Variants in CREB3L3 observed in about 807,000 individuals in gnomAD.
The protein encoded by CREB3L3 is cAMP responsive element binding protein 3 like 3, also known as cyclic AMP-responsive element-binding protein 3-like protein 3.
In CREB3L3, 40 loss-of-function variants were observed where a neutral mutation model predicts 44.6. The ratio of observed to expected loss-of-function variants is 0.90; its 90% confidence interval spans 0.70 to 1.17. CREB3L3 has a LOEUF of 1.17. Ranked by LOEUF, CREB3L3 falls within the 50% of genes most tolerant of loss-of-function variation. CREB3L3 has a pLI of 0.00. For synonymous variants in CREB3L3, 273 were observed against 256.3 expected (o/e 1.06, Z -0.62); for missense variants, 578 against 595.8 (o/e 0.97, Z 0.31).
At position 4,171,916 on chromosome 19, in the gene CREB3L3, C is replaced by T. The variant is rs2145146624; in HGVS notation, c.1333C>T (p.Pro445Ser). Residue 445 changes from proline (P) to serine (S), a missense_variant, in exon 10 of 10, where the codon CCG (proline) becomes TCG (serine). By Grantham distance (74) the Pro-to-Ser change is moderately conservative. Transcript: ENST00000078445. The surrounding 1 kb of genome is among the most constrained non-coding windows in gnomAD (Gnocchi z 4.9). Reference sequence around the variant, plus strand: ...CCTGCTGGACTGGGTGGCGCCTGGGCCGAGCACTGGCTCAGGACGTGCAGG... The same window carrying T: ...CCTGCTGGACTGGGTGGCGCCTGGGTCGAGCACTGGCTCAGGACGTGCAGG... ...VALLDWVAPGPSTGSGRAGLE... is the reference protein window; with the variant it reads ...VALLDWVAPGSSTGSGRAGLE... 6.2e-7 allele frequency: 1 copy of T among 1,611,750 alleles called. No individual in the cohort carries two copies. The highest frequency in any genetic ancestry group is 8.5e-7 in the Non-Finnish European group (1 of 1,179,464).
chr19:4,156,950 A>G (rs1178140768), intron 2 of CREB3L3, 45 bp from the exon 3 acceptor site: 1 of 1,602,512 alleles, frequency 6.2e-7, no homozygotes, highest in South Asian at 1.1e-5. Flanking sequence ...ATCTAAAAAG[A>G]GTGAGCACTT....
intron 1 of CREB3L3, among the ~76,000 whole-genome samples, chr19:4,154,640 C>T (rs534434141): frequency 8.5e-5 from 13 of 152,218 alleles, no homozygotes; most frequent in Admixed American, 5.2e-4. Flanking sequence ...TCCCAAAGTG[C>T]TGAGATTACA....
At chr19:4,155,782 T>C (rs1599329390) in intron 2 of CREB3L3, among the ~76,000 whole-genome samples, 1 of 136,982 alleles carries the variant, frequency 7.3e-6, no homozygotes, top group African/African-American at 2.8e-5. Flanking sequence ...AGTTTCACTC[T>C]TGTCACCCAG....
chr19:4,157,283 AC>A lies in CREB3L3; in HGVS notation c.447del (p.Ile150Ter), dbSNP rs1344251374. The A allele has an allele frequency of 6.2e-7, 1 of 1,614,148 alleles. No homozygotes were observed. Among genetic ancestry groups the A allele is most frequent in the South Asian group, 1.1e-5 (1 of 91,072 alleles). On this transcript the variant is annotated frameshift_variant, in exon 3 of 10. Transcript: ENST00000078445. LOFTEE classifies it high-confidence loss of function. ...PVIQVPEASV[T>X]IDLEMWSPGG... is the part of the protein sequence containing the mutation. ...GATCCAAGTACCTGAAGCCTCTGTGACCATAGACCTGGGTGAGTCCTGCTGT... is the reference window on the plus strand; with the variant it reads ...GATCCAAGTACCTGAAGCCTCTGTGACATAGACCTGGGTGAGTCCTGCTGT...
intron 4 of CREB3L3, among the ~76,000 whole-genome samples, chr19:4,162,788 G>A (rs2041676530): frequency 6.6e-6 from 1 of 152,030 alleles, no homozygotes; most frequent in African/African-American, 2.4e-5. Context: ...AGACCAGCCT[G>A]GGCAACAGAG....
chr19:4,160,303 A>G (rs939933704), intron 4 of CREB3L3, among the ~76,000 whole-genome samples: 1 of 151,882 alleles, frequency 6.6e-6, no homozygotes, highest in Non-Finnish European at 1.5e-5. Context: ...CAACAATAAC[A>G]ACAACAAAAA....
rs762230767 is a variant in CREB3L3 at position 4,157,123 on chromosome 19, C to G, written c.285C>G (p.Ser95=). Residue 95 remains serine (S), a synonymous_variant, in exon 3 of 10, where the codon TCC becomes TCG. Transcript: ENST00000078445. ...SDSGISEDLP[S]DPQDTPPRSG... ...GTGGCATCTCCGAAGACCTCCCCTCCGACCCCCAGGACACCCCTCCACGCA... is the reference window on the plus strand; with the variant it reads ...GTGGCATCTCCGAAGACCTCCCCTCGGACCCCCAGGACACCCCTCCACGCA... 1.8e-5 allele frequency: 29 copies of G among 1,613,870 alleles called. No individual in the cohort carries two copies. In the South Asian group the frequency reaches 2.6e-4, roughly 15 times the overall value.
At position 4,171,448 on chromosome 19, in the gene CREB3L3, C is replaced by G. The variant is rs143545033; in HGVS notation, c.1041C>G (p.Thr347=). The change falls in exon 9 of 10, where the codon ACC becomes ACG. Residue 347 remains threonine (T), a synonymous_variant. Transcript: ENST00000078445. This position sits in a 1 kb window ranked among gnomAD's most constrained non-coding sequence, Gnocchi z 4.9. Reference sequence around the variant, plus strand: ...TCAGCCCTTTTGGCCCCAACAAAACCGAGAGCCCTGGGGACTTTGCGCCTG... The same window carrying G: ...TCAGCCCTTTTGGCCCCAACAAAACGGAGAGCCCTGGGGACTTTGCGCCTG... ...PSISPFGPNK[T]ESPGDFAPVR... The G allele has an allele frequency of 6.2e-7, 1 of 1,614,092 alleles. No homozygotes were observed. The highest frequency in any genetic ancestry group is 1.1e-5 in the South Asian group (1 of 91,068).
At chr19:4,157,345 C>A (rs770046440) in intron 3 of CREB3L3, 50 bp downstream of exon 3, 24 of 1,595,416 alleles carry the variant, frequency 1.5e-5, no homozygotes, top group Non-Finnish European at 1.9e-5. Context: ...TTCCAGGGCC[C>A]TTCCTGTAAG....
intron 4 of CREB3L3, among the ~76,000 whole-genome samples, chr19:4,163,045 C>T (rs1196822530): frequency 3.3e-5 from 5 of 152,042 alleles, no homozygotes; most frequent in African/African-American, 7.2e-5. Flanking sequence ...CGGTGGCTCA[C>T]GCCTGTGATC....
Position 4,171,211 on chromosome 19 carries a change from A to C in CREB3L3, c.975+36A>C. The stretch of plus-strand genomic sequence containing the variant: ...GTGCCCCCAGGCAAGCCGGGGACCT[A>C]GGCTTCTGTAGAGGGGCCCATAGGG... On this transcript the variant is annotated intron_variant, in intron 8 of 9. Coordinates refer to ENST00000078445, the MANE Select transcript of CREB3L3 (RefSeq NM_032607.3). This position sits in a 1 kb window ranked among gnomAD's most constrained non-coding sequence, Gnocchi z 4.9. The C allele has an allele frequency of 6.3e-7, 1 of 1,582,422 alleles. No homozygotes were observed. Among genetic ancestry groups the C allele is most frequent in the Non-Finnish European group, 8.7e-7 (1 of 1,151,322 alleles).
intron 4 of CREB3L3, among the ~76,000 whole-genome samples, chr19:4,162,116 CAT>C (rs1208604334): frequency 6.6e-6 from 1 of 152,176 alleles, no homozygotes; most frequent in African/African-American, 2.4e-5. Flanking sequence ...AAGTGATTCT[CAT>C]ACCTCAGCCC....
chr19:4,155,129 G>C, intron 2 of CREB3L3, 102 bp downstream of exon 2: 1 of 1,463,258 alleles, frequency 6.8e-7, no homozygotes, highest in Admixed American at 1.7e-5. Flanking sequence ...CCAGAGCTCT[G>C]CTCAGCTCTA....
intron 3 of CREB3L3, 150 bp from the exon 4 acceptor site, chr19:4,159,514 G>GCA: frequency 1.5e-6 from 1 of 674,542 alleles, no homozygotes; most frequent in Non-Finnish European, 2.7e-6. Flanking sequence ...CTTCAACTCA[G>GCA]GCCTTGGGGA....
chr19:4,168,364 T>C lies in CREB3L3; in HGVS notation c.728T>C (p.Val243Ala). ...TTCACTTGGCAGTACGAGGAGCGAGTGCTGAAAAAAATCCGCCGGAAAATC... is the reference window on the plus strand; with the variant it reads ...TTCACTTGGCAGTACGAGGAGCGAGCGCTGAAAAAAATCCGCCGGAAAATC... ...QLPLTKYEERVLKKIRRKIRN... is the reference protein window; with the variant it reads ...QLPLTKYEERALKKIRRKIRN... Residue 243 changes from valine (V) to alanine (A), a missense_variant, in exon 6 of 10, where the codon GTG (valine) becomes GCG (alanine). Val to Ala is a moderately conservative substitution (Grantham distance 64). Coordinates refer to ENST00000078445, the MANE Select transcript of CREB3L3 (RefSeq NM_032607.3). 1 of 1,609,726 alleles carries C rather than the reference T, an allele frequency of 6.2e-7. No individual in the cohort carries two copies. Among genetic ancestry groups the C allele is most frequent in the Non-Finnish European group, 8.5e-7 (1 of 1,177,536 alleles).
intron 5 of CREB3L3, 94 bp downstream of exon 5, chr19:4,164,734 A>T: frequency 7.1e-7 from 1 of 1,417,026 alleles, no homozygotes; most frequent in Non-Finnish European, 9.7e-7. Flanking sequence ...TTTAGAGTAG[A>T]GTCTTTCTCT....
intron 5 of CREB3L3, among the ~76,000 whole-genome samples, chr19:4,166,632 G>T (rs1470512961): frequency 6.6e-6 from 1 of 151,534 alleles, no homozygotes; most frequent in Non-Finnish European, 1.5e-5. Context: ...CTGGCCTCAA[G>T]CAGTCCTCTG....
At position 4,157,422 on chromosome 19, in the gene CREB3L3, C is replaced by T. The variant is rs910295851; in HGVS notation, c.457+127C>T. 3.8e-6 allele frequency: 4 copies of T among 1,065,268 alleles called. No individual in the cohort carries two copies. The South Asian group carries it at 5.4e-5, about 14-fold the overall frequency. 66.0% of individuals were successfully genotyped at this position (1,065,268 alleles called of 1,614,324 possible). A position where few individuals can be genotyped will look rare whatever the true frequency, so the allele number is the denominator to read the frequency against. On this transcript the variant is annotated intron_variant, in intron 3 of 9. Coordinates refer to ENST00000078445, the MANE Select transcript of CREB3L3 (RefSeq NM_032607.3). ...GGTCACACAGCAATTTGGAGCTGGG[C>T]CCAGACTCAAACTCAGGACACGTGT...
chr19:4,155,897 G>A (rs1227039227), intron 2 of CREB3L3, among the ~76,000 whole-genome samples: 9 of 151,532 alleles, frequency 5.9e-5, no homozygotes, highest in East Asian at 5.9e-4. Flanking sequence ...ACAGGCAGCC[G>A]CCACCACGCT....
Sources: gnomAD v4.1 joint callset for allele counts (sites outside exome capture counted in the v4.1 genomes callset) on GRCh38, gnomAD v4.1.1 for gene constraint, Gnocchi (gnomAD v3.1) non-coding constraint, MANE v1.5 for transcripts, NCBI Gene and HGNC (gene_info 2026-07-23, HGNC 2026-07-21) for gene names.